Variants in RFX8 observed in about 807,000 individuals in gnomAD.
RFX8 encodes DNA-binding protein RFX8.
In RFX8, 46 loss-of-function variants were observed where a neutral mutation model predicts 54.6. That is an observed-to-expected ratio of 0.84 (90% CI 0.67 to 1.08). The LOEUF is 1.08. RFX8 is among the 50% of genes least tolerant of loss of function. The pLI is 0.00. For missense variants in RFX8, 536 were observed against 562.3 expected, an observed-to-expected ratio of 0.95 and a Z score of 0.47; for synonymous variants, 192 against 209.5, an observed-to-expected ratio of 0.92 and a Z score of 0.72.
intron 11 of RFX8, 35 bp downstream of exon 11, chr2:101,402,401 A>C (rs1351010164): frequency 6.7e-7 from 1 of 1,492,430 alleles, no homozygotes; most frequent in Admixed American, 2.1e-5. Context: ...TTCCCCTTGA[A>C]ACAGCTGTGT....
chr2:101,454,896 G>C (rs1041420581), intron 2 of RFX8, among the ~76,000 whole-genome samples: 4 of 152,012 alleles, frequency 2.6e-5, no homozygotes, highest in Non-Finnish European at 4.4e-5. Context: ...AAGCTCTTTA[G>C]TTTAATTAGA....
chr2:101,408,207 C>T (rs1034036453), intron 9 of RFX8, among the ~76,000 whole-genome samples: 1 of 151,878 alleles, frequency 6.6e-6, no homozygotes, highest in South Asian at 2.1e-4. Flanking sequence ...GGAGGCTGGC[C>T]GGGCGCGGTG....
In RFX8 at chr2:101,413,469, C is replaced by T. The variant is rs567572676; in HGVS notation, c.562-398G>A. On this transcript the variant is annotated intron_variant, in intron 7 of 11. Transcript: ENST00000428343. The stretch of plus-strand genomic sequence containing the variant: ...ATTCGGAAGCTGGCTGTCCCTTCCT[C>T]GTGGGAGCCTTGGCCATGAGGAATT... 3.9e-5 allele frequency among the ~76,000 whole-genome samples: 6 copies of T among 152,288 alleles called. No homozygotes were observed. In the East Asian group the frequency reaches 5.8e-4, roughly 15 times the overall value.
intron 10 of RFX8, among the ~76,000 whole-genome samples, chr2:101,405,282 G>A (rs1415365807): frequency 6.6e-6 from 1 of 151,966 alleles, no homozygotes; most frequent in East Asian, 1.9e-4. Context: ...GAGTTGCTGG[G>A]ATTACAAGCG....
intron 2 of RFX8, among the ~76,000 whole-genome samples, chr2:101,436,820 T>C (rs1197310482): frequency 6.6e-6 from 1 of 152,174 alleles, no homozygotes; most frequent in Non-Finnish European, 1.5e-5. Flanking sequence ...CTGACCTCCT[T>C]CTGCTAAGGA....
intron 2 of RFX8, 95 bp from the exon 3 acceptor site, chr2:101,422,567 T>C (rs1031513282): frequency 1.2e-5 from 9 of 737,150 alleles, no homozygotes; most frequent in Non-Finnish European, 2.1e-5. Context: ...TAAGTTAATA[T>C]TGTGTATAAC....
At chr2:101,449,729 G>A (rs1443949980) in intron 2 of RFX8, among the ~76,000 whole-genome samples, 1 of 152,134 alleles carries the variant, frequency 6.6e-6, no homozygotes, top group Non-Finnish European at 1.5e-5. Flanking sequence ...GAAGGATTCA[G>A]GAGTCATCCA....
intron 2 of RFX8, among the ~76,000 whole-genome samples, chr2:101,456,010 CTCTG>C (rs1226267853): frequency 6.6e-6 from 1 of 151,962 alleles, no homozygotes; most frequent in African/African-American, 2.4e-5. Flanking sequence ...TGATTTGGCT[CTCTG>C]TCTGTAATTG....
chr2:101,444,714 A>T (rs2148963159), intron 2 of RFX8, among the ~76,000 whole-genome samples: 1 of 152,384 alleles, frequency 6.6e-6, no homozygotes, highest in Non-Finnish European at 1.5e-5. Flanking sequence ...TGAAAAATAC[A>T]ATAACTAGAG....
At chr2:101,423,385 T>C (rs1466771614) in intron 2 of RFX8, among the ~76,000 whole-genome samples, 1 of 152,112 alleles carries the variant, frequency 6.6e-6, no homozygotes. Flanking sequence ...CCTCTGGGCA[T>C]GGGGAGGCAT....
At chr2:101,424,817 G>A (rs1339444816) in intron 2 of RFX8, among the ~76,000 whole-genome samples, 2 of 152,124 alleles carry the variant, frequency 1.3e-5, no homozygotes, top group East Asian at 1.9e-4. Flanking sequence ...ATTGAACAAT[G>A]AGAACACTTG....
At chr2:101,410,299 T>C (rs1282833857) in intron 9 of RFX8, among the ~76,000 whole-genome samples, 1 of 150,678 alleles carries the variant, frequency 6.6e-6, no homozygotes, top group Non-Finnish European at 1.5e-5. Context: ...CACACTCACA[T>C]ACACACATGC....
intron 2 of RFX8, among the ~76,000 whole-genome samples, chr2:101,433,779 G>C (rs1229526782): frequency 6.6e-6 from 1 of 152,128 alleles, no homozygotes; most frequent in African/African-American, 2.4e-5. Flanking sequence ...TACTTGTTCC[G>C]TGTCAGATTT....
chr2:101,462,532 T>C (rs1689339147), intron 2 of RFX8, among the ~76,000 whole-genome samples: 1 of 152,226 alleles, frequency 6.6e-6, no homozygotes, highest in Non-Finnish European at 1.5e-5. Flanking sequence ...GTAAAAATGT[T>C]TATGATATTT....
intron 1 of RFX8, chr2:101,474,217 C>A: frequency 3.4e-6 from 2 of 585,318 alleles, no homozygotes; most frequent in Non-Finnish European, 6.1e-6. Context: ...GATGACGCCG[C>A]TGTGCGGGCC....
rs1256447601 is a variant in RFX8 at position 101,413,009 on chromosome 2, G to A, written c.624C>T (p.Ala208=). ...TAGCCAAAGTGCCTTGATTGATGAT[G>A]GCCTGTAGATCTGACTTCAAAACGC... is the stretch of plus-strand genomic sequence containing the variant. ...RVSVLKSDLQ[A]IINQGTLATS... Residue 208 remains alanine, a synonymous_variant, in exon 8 of 12, where the codon GCC becomes GCT. Transcript: ENST00000428343. The A allele has an allele frequency of 5.2e-6, 8 of 1,551,968 alleles. No homozygotes were observed. The highest frequency in any genetic ancestry group is 7.0e-6 in the Non-Finnish European group (8 of 1,146,984).
At chr2:101,400,781 T>TG (rs1353913522) in intron 11 of RFX8, among the ~76,000 whole-genome samples, 2 of 152,212 alleles carry the variant, frequency 1.3e-5, no homozygotes, top group African/African-American at 4.8e-5. Flanking sequence ...CCAGCATGAA[T>TG]GCTGGCCCTG....
intron 2 of RFX8, among the ~76,000 whole-genome samples, chr2:101,454,055 C>T (rs959487499): frequency 7.2e-5 from 11 of 151,740 alleles, no homozygotes; most frequent in African/African-American, 2.4e-4. Flanking sequence ...CCCAGCCCCC[C>T]ACCCCCGACA....
chr2:101,451,221 T>A (rs1688661111), intron 2 of RFX8, among the ~76,000 whole-genome samples: 1 of 152,166 alleles, frequency 6.6e-6, no homozygotes, highest in Non-Finnish European at 1.5e-5. Flanking sequence ...GGCAAACACT[T>A]CCACTGTCTT....
Sources: gnomAD v4.1 joint callset for allele counts (sites outside exome capture counted in the v4.1 genomes callset) on GRCh38, gnomAD v4.1.1 for gene constraint, MANE v1.5 for transcripts, NCBI Gene and HGNC (gene_info 2026-07-23, HGNC 2026-07-21) for gene names.